The following ABL1 variants were observed in gnomAD, a reference collection of about 807,000 sequenced individuals.
ABL1 encodes tyrosine-protein kinase ABL1.
ABL1 carries 11 observed loss-of-function variants against 94.7 expected under a neutral mutation model. The observed-to-expected ratio is 0.12, with a 90% CI of 0.07 to 0.19. The LOEUF (loss-of-function observed/expected upper bound fraction) is 0.19, where lower values mean the gene tolerates loss of function less well. Among genes scored for constraint, ABL1 ranks in the 10% least tolerant of loss-of-function variants. ABL1 has a pLI of 1.00. For synonymous variants in ABL1, 656 were observed against 622.4 expected, an observed-to-expected ratio of 1.05 and a Z score of -0.80; for missense variants, 1,082 against 1,489.4, an observed-to-expected ratio of 0.73 and a Z score of 4.50.
At chr9:130,868,937 G>A (rs565721776) in intron 4 of ABL1, among the ~76,000 whole-genome samples, 39 of 152,262 alleles carry the variant, frequency 2.6e-4, no homozygotes, top group South Asian at 1.2e-3. Context: ...GGAGGCCGAG[G>A]AGGGCAGATC....
chr9:130,791,596 C>T lies in ABL1; in HGVS notation c.137-62468C>T, dbSNP rs542057028. Among the ~76,000 whole-genome samples, 5 of 152,254 alleles carry T rather than the reference C, an allele frequency of 3.3e-5. No homozygotes were observed. The South Asian group carries it at 6.2e-4, about 19-fold the overall frequency. ...AAGGTGGGATAAGCTTGCTGAGTCTCCTGGCTTCCTTCCTTCTCCCATCCT... is the reference window on the plus strand; with the variant it reads ...AAGGTGGGATAAGCTTGCTGAGTCTTCTGGCTTCCTTCCTTCTCCCATCCT... On this transcript the variant is annotated intron_variant, in intron 1 of 10. Transcript: ENST00000372348.
chr9:130,841,160 T>C (rs1830663962), intron 1 of ABL1, among the ~76,000 whole-genome samples: 1 of 151,586 alleles, frequency 6.6e-6, no homozygotes, highest in African/African-American at 2.4e-5. Context: ...TTTCTTTTTT[T>C]TTTTGAGACA....
At chr9:130,876,411 C>CTT (rs60634610) in intron 7 of ABL1, among the ~76,000 whole-genome samples, 5 of 142,496 alleles carry the variant, frequency 3.5e-5, no homozygotes, top group Non-Finnish European at 6.1e-5. Flanking sequence ...ATTACTTTTT[C>CTT]TTTTTTTTTT....
At chr9:130,792,034 T>TTA (rs1829914649) in intron 1 of ABL1, among the ~76,000 whole-genome samples, 1 of 152,230 alleles carries the variant, frequency 6.6e-6, no homozygotes, top group Admixed American at 6.5e-5. Context: ...GAGAGATGCA[T>TTA]TAACTTGCCT....
At chr9:130,718,269 G>A (rs1202883677) in intron 1 of ABL1, among the ~76,000 whole-genome samples, 1 of 139,538 alleles carries the variant, frequency 7.2e-6, no homozygotes, top group Non-Finnish European at 1.5e-5. Context: ...AGTGACCTGA[G>A]ATCGCACCAC....
intron 1 of ABL1, among the ~76,000 whole-genome samples, chr9:130,727,165 C>T (rs1474023268): frequency 6.6e-6 from 1 of 150,850 alleles, no homozygotes; most frequent in Non-Finnish European, 1.5e-5. Flanking sequence ...TTGTTTCATG[C>T]TTTTGTTTAA....
At chr9:130,805,843 T>G (rs1011276262) in intron 1 of ABL1, among the ~76,000 whole-genome samples, 5 of 152,224 alleles carry the variant, frequency 3.3e-5, no homozygotes, top group Admixed American at 3.3e-4. Flanking sequence ...ACAAAGTTAC[T>G]GACCTGTCTT....
intron 1 of ABL1, among the ~76,000 whole-genome samples, chr9:130,785,835 A>G (rs1342016050): frequency 6.6e-6 from 1 of 151,156 alleles, no homozygotes; most frequent in Non-Finnish European, 1.5e-5. Context: ...AGGCACAAGA[A>G]TCGCTTGAAC....
At position 130,874,810 on chromosome 9, in the gene ABL1, A is replaced by G. The variant is rs1430251951; in HGVS notation, c.1086-58A>G. Reference sequence around the variant, plus strand: ...TTGCACCTTTGCTCAGCAGTGGTGGATTTGTGAAGTGGAAGGTTGGCCAGG... The same window carrying G: ...TTGCACCTTTGCTCAGCAGTGGTGGGTTTGTGAAGTGGAAGGTTGGCCAGG... On this transcript the variant is annotated intron_variant, in intron 6 of 10. Transcript: ENST00000318560. The G allele has an allele frequency of 6.4e-6, 10 of 1,566,368 alleles. No individual in the cohort carries two copies. The East Asian group carries it at 2.2e-4, about 35-fold the overall frequency.
chr9:130,828,193 A>C (rs1483277775), intron 1 of ABL1, among the ~76,000 whole-genome samples: 1 of 151,946 alleles, frequency 6.6e-6, no homozygotes, highest in East Asian at 1.9e-4. Context: ...CCCCCAAGCA[A>C]CTGGGACTAC....
rs1467611854 is a variant in ABL1, at chr9:130,879,956, G to C, written c.1424-112G>C. The C allele has an allele frequency of 8.2e-6, 8 of 975,780 alleles. No homozygotes were observed. In the African/African-American group the frequency reaches 1.3e-4, roughly 16 times the overall value. 60.4% of individuals were successfully genotyped at this position (975,780 alleles called of 1,614,324 possible). On this transcript the variant is annotated intron_variant, in intron 8 of 10. Coordinates refer to ENST00000318560, the MANE Select transcript of ABL1 (RefSeq NM_005157.6). The stretch of plus-strand genomic sequence containing the variant: ...GTTTTGACTTGTTGCAGCAAAAGAT[G>C]GTTAGCAGGATTGGAATGTTGCTTT...
chr9:130,714,238 A>G (rs561540111), exon 1 of ABL1: 369 of 1,381,602 alleles, frequency 2.7e-4, no homozygotes, highest in Admixed American at 4.7e-4. Context: ...AATCCCACGT[A>G]TATGCCATTT....
intron 1 of ABL1, among the ~76,000 whole-genome samples, chr9:130,809,990 C>A (rs543881120): frequency 1.3e-5 from 2 of 152,288 alleles, no homozygotes; most frequent in South Asian, 4.1e-4. Context: ...TTTAGGGATA[C>A]AAAACCATCT....
In ABL1 at chr9:130,863,175, T is replaced by G. The variant is rs1831103880; in HGVS notation, c.822+140T>G. ...GCGCCACGGAATTGACTTTTCCGTC[T>G]TATATCATTCCTGTGTCTTTGTAGG... On this transcript the variant is annotated intron_variant, in intron 4 of 10. Coordinates refer to ENST00000318560, the MANE Select transcript of ABL1 (RefSeq NM_005157.6). This position sits in a 1 kb window ranked among gnomAD's most constrained non-coding sequence, Gnocchi z 4.3. 1 of 973,844 alleles carries G rather than the reference T, an allele frequency of 1.0e-6. No individual in the cohort carries two copies. Among genetic ancestry groups the G allele is most frequent in the Admixed American group, 2.9e-5 (1 of 34,242 alleles). The allele number at this position is 973,844 out of a possible 1,614,324, so 60.3% of individuals were successfully genotyped here. A position where few individuals can be genotyped will look rare whatever the true frequency, so the allele number is the denominator to read the frequency against.
intron 1 of ABL1, among the ~76,000 whole-genome samples, chr9:130,813,517 TG>T (rs1830239865): frequency 7.6e-6 from 1 of 131,160 alleles, no homozygotes; most frequent in African/African-American, 2.9e-5. Context: ...GCCGAGATGG[TG>T]TCACTGCACT....
Position 130,835,694 on chromosome 9 carries a change from C to G in ABL1, c.79+169C>G, listed in dbSNP as rs1830564997. Among the ~76,000 whole-genome samples, 1 of 151,630 alleles carries G rather than the reference C, an allele frequency of 6.6e-6. No homozygotes were observed. The highest frequency in any genetic ancestry group is 2.4e-5 in the African/African-American group (1 of 41,282). ...CTCTTCTCTTCAGTTCTCTTATATT[C>G]TGTCTCTCTTTCTTTCTCTCTGTGT... On this transcript the variant is annotated intron_variant, in intron 1 of 10. Transcript: ENST00000318560. This position sits in a 1 kb window ranked among gnomAD's most constrained non-coding sequence, Gnocchi z 4.6.
At chr9:130,787,344 CTGTGTGTGTGTT>C (rs1048383842) in intron 1 of ABL1, among the ~76,000 whole-genome samples, 2 of 152,010 alleles carry the variant, frequency 1.3e-5, no homozygotes, top group Non-Finnish European at 2.9e-5. Context: ...ACTCTGCCTT[CTGTGTGTGTGTT>C]TGTGTGTGTG....
chr9:130,795,888 C>T (rs1458888309), intron 1 of ABL1, among the ~76,000 whole-genome samples: 2 of 152,184 alleles, frequency 1.3e-5, no homozygotes, highest in Non-Finnish European at 2.9e-5. Flanking sequence ...ATGAGAGTGC[C>T]TTTTAAAAAT....
chr9:130,831,150 C>T (rs1986209), upstream of ABL1, among the ~76,000 whole-genome samples: 2 of 152,134 alleles, frequency 1.3e-5, no homozygotes, highest in African/African-American at 4.8e-5. Flanking sequence ...GTGCACATAC[C>T]TCAAGATCTT....
Sources: gnomAD v4.1 joint callset for allele counts (sites outside exome capture counted in the v4.1 genomes callset) on GRCh38, gnomAD v4.1.1 for gene constraint, Gnocchi (gnomAD v3.1) non-coding constraint, MANE v1.5 for transcripts, NCBI Gene and HGNC (gene_info 2026-07-23, HGNC 2026-07-21) for gene names.